The following USP24 variants were observed in gnomAD, a reference collection of about 807,000 sequenced individuals.
The protein encoded by USP24 is ubiquitin carboxyl-terminal hydrolase 24.
USP24 carries 97 observed loss-of-function variants against 361.6 expected under a neutral mutation model. The ratio of observed to expected loss-of-function variants is 0.27; its 90% CI spans 0.23 to 0.32. USP24 has a LOEUF of 0.32. Ranked by LOEUF, USP24 falls within the 10% of genes least tolerant of loss-of-function variation. USP24 has a pLI of 1.00. For synonymous variants in USP24, 1,098 were observed against 1,124.6 expected (o/e 0.98, Z 0.47); for missense variants, 2,353 against 3,165.6 (o/e 0.74, Z 6.16).
chr1:55,215,124 T>A lies in USP24; in HGVS notation c.-11A>T. On this transcript the variant is annotated 5_prime_UTR_variant, in exon 1 of 68. Coordinates refer to ENST00000294383, the MANE Select transcript of USP24 (RefSeq NM_015306.3). ...CTCCTCCGATTCCATGGCTTGGGCC[T>A]CCTGGCCGCCCCGGCCAGCGCACGG... 8.0e-7 allele frequency: 1 copy of A among 1,256,480 alleles called. No individual in the cohort carries two copies. The highest frequency in any genetic ancestry group is 1.0e-6 in the Non-Finnish European group (1 of 994,322). The allele number at this position is 1,256,480 out of a possible 1,614,324, so 77.8% of individuals were successfully genotyped here. A position where few individuals can be genotyped will look rare whatever the true frequency, so the allele number is the denominator to read the frequency against.
chr1:55,098,603 T>C (rs1280848933), intron 45 of USP24, 45 bp from the exon 46 acceptor site: 2 of 1,362,512 alleles, frequency 1.5e-6, no homozygotes, highest in African/African-American at 2.9e-5. Context: ...CCTCCTGAAC[T>C]TATGAGTATA....
chr1:55,154,910 A>G (rs1167984552), intron 12 of USP24, 132 bp from the exon 13 acceptor site: 2 of 626,092 alleles, frequency 3.2e-6, no homozygotes, highest in African/African-American at 3.7e-5. Context: ...ATCAGCATCC[A>G]CTTGCATAAT....
chr1:55,069,096 A>G lies in USP24; in HGVS notation c.7812T>C (p.Ser2604=). 1 of 1,614,028 alleles carries G rather than the reference A, an allele frequency of 6.2e-7. No homozygotes were observed. The highest frequency in any genetic ancestry group is 1.1e-5 in the South Asian group (1 of 91,084). The stretch of plus-strand genomic sequence containing the variant: ...TTCTCAACTCACCAATCATCATGGG[A>G]GATTCTGAACCCTGCAGAAAAGAAA... ...GDRHLQQGSE[S]PMMIGELRSD... The change falls in exon 68 of 68, where the codon TCT becomes TCC. Residue 2604 remains serine, a synonymous_variant. Coordinates refer to ENST00000294383, the MANE Select transcript of USP24 (RefSeq NM_015306.3).
At chr1:55,130,453 TAAAG>T (rs1363219449) in intron 31 of USP24, among the ~76,000 whole-genome samples, 1 of 152,208 alleles carries the variant, frequency 6.6e-6, no homozygotes, top group African/African-American at 2.4e-5. Flanking sequence ...GATTTAAAAA[TAAAG>T]ACTCTCATTG....
intron 1 of USP24, among the ~76,000 whole-genome samples, chr1:55,186,328 A>C (rs1644129944): frequency 6.6e-6 from 1 of 152,228 alleles, no homozygotes; most frequent in South Asian, 2.1e-4. Context: ...TGCTGATAAG[A>C]GTATAAAACT....
intron 55 of USP24, chr1:55,086,439 G>A: frequency 5.3e-6 from 1 of 188,862 alleles, no homozygotes; most frequent in Non-Finnish European, 1.1e-5. Flanking sequence ...CAAACAAATG[G>A]CACAGCATAC....
rs1178796609 is a variant in USP24, at chr1:55,146,230, C to T, written c.2251-121G>A. 2.4e-5 allele frequency: 14 copies of T among 579,060 alleles called. No homozygotes were observed. In the South Asian group the frequency reaches 3.1e-4, roughly 13 times the overall value. 35.9% of individuals were successfully genotyped at this position (579,060 alleles called of 1,614,324 possible). On this transcript the variant is annotated intron_variant, in intron 19 of 67. Coordinates refer to ENST00000294383, the MANE Select transcript of USP24 (RefSeq NM_015306.3). ...AAATGTTTATACTGTCAAAATACCA[C>T]TCAAAGCTAAAATGCTTGGAATTCT...
intron 67 of USP24, chr1:55,071,017 C>T (rs1397106216): frequency 1.0e-5 from 5 of 494,480 alleles, no homozygotes; most frequent in African/African-American, 8.4e-5. Flanking sequence ...TGTGGAGTGA[C>T]CTTGGGCTAA....
At chr1:55,078,012 C>A (rs936424610) in intron 61 of USP24, among the ~76,000 whole-genome samples, 9 of 152,140 alleles carry the variant, frequency 5.9e-5, no homozygotes, top group African/African-American at 2.2e-4. Flanking sequence ...AGGCTGAGGG[C>A]AAAACATATT....
In USP24 at chr1:55,139,000, G is replaced by C; in HGVS notation, c.2761C>G (p.Leu921Val). The change falls in exon 25 of 68, where the codon CTT becomes GTT. Residue 921 changes from leucine (L) to valine (V), a missense_variant. This residue lies in a region of USP24 where 949 missense variants were observed against 1,280.5 expected (regional missense o/e 0.74). Coordinates refer to ENST00000294383, the MANE Select transcript of USP24 (RefSeq NM_015306.3). ...SVQSPYRSTK[L>V]VIIERLLLLA... The stretch of plus-strand genomic sequence containing the variant: ...AGCAGCAATCTCTCAATTATTACAA[G>C]TTTAGTAGATCTATAGATTAAAAAA... 1 of 1,610,062 alleles carries C rather than the reference G, an allele frequency of 6.2e-7. No homozygotes were observed. The highest frequency in any genetic ancestry group is 8.5e-7 in the Non-Finnish European group (1 of 1,177,720).
Position 55,156,619 on chromosome 1 carries a change from AAATT to A in USP24, c.1446+325_1446+328del, listed in dbSNP as rs1368809690. On this transcript the variant is annotated intron_variant, in intron 12 of 67. Coordinates refer to ENST00000294383, the MANE Select transcript of USP24 (RefSeq NM_015306.3). ...TAAATGGGAAAAAAATTATTAATGA[AAATT>A]AATAATATAATGAAAAGAACACTAG... is the stretch of plus-strand genomic sequence containing the variant. 2.0e-5 allele frequency among the ~76,000 whole-genome samples: 3 copies of A among 152,270 alleles called. No homozygotes were observed. The East Asian group carries it at 5.8e-4, about 29-fold the overall frequency.
chr1:55,103,486 A>G (rs1156364162), intron 42 of USP24, among the ~76,000 whole-genome samples: 2 of 152,208 alleles, frequency 1.3e-5, no homozygotes, highest in East Asian at 3.9e-4. Context: ...AGCACATACT[A>G]AACTCAATAA....
In USP24 at chr1:55,124,567, G is replaced by A. The variant is rs752275725; in HGVS notation, c.4022C>T (p.Ala1341Val). ...AACAAGATCAAGCCGTCCTGCAGCCGCAGCCCATGACAATCTCATGAAGCA... is the reference window on the plus strand; with the variant it reads ...AACAAGATCAAGCCGTCCTGCAGCCACAGCCCATGACAATCTCATGAAGCA... ...VACFMRLSWA[A>V]AAGRLDLVGS... The change falls in exon 35 of 68, where the codon GCG (alanine) becomes GTG (valine). Residue 1341 changes from alanine to valine, a missense_variant. Ala to Val is a moderately conservative substitution (Grantham distance 64). This residue lies in a region of USP24 where 949 missense variants were observed against 1,280.5 expected (regional missense o/e 0.74). Coordinates refer to ENST00000294383, the MANE Select transcript of USP24 (RefSeq NM_015306.3). The A allele has an allele frequency of 3.2e-5, 52 of 1,613,694 alleles. No individual in the cohort carries two copies. In the East Asian group the frequency reaches 1.1e-3, roughly 33 times the overall value.
At chr1:55,198,634 TGGGATGACA>T (rs1644481901) in intron 1 of USP24, among the ~76,000 whole-genome samples, 2 of 152,170 alleles carry the variant, frequency 1.3e-5, no homozygotes, top group Admixed American at 1.3e-4. Flanking sequence ...GCCTCCGGGG[TGGGATGACA>T]AATCACCCCT....
Position 55,137,669 on chromosome 1 carries a change from T to C in USP24, c.3047A>G (p.Gln1016Arg). 6.2e-7 allele frequency: 1 copy of C among 1,612,600 alleles called. No individual in the cohort carries two copies. Residue 1016 changes from glutamine (Q) to arginine (R), a missense_variant, in exon 28 of 68, where the codon CAA becomes CGA. Physicochemically the swap from Gln to Arg is conservative, Grantham distance 43. Transcript: ENST00000294383. The part of the protein sequence containing the change: ...NDSLLTVNKD[Q>R]KLLHQLGFSD... ...AAAGCCCAGTTGGTGGAGTAGCTTT[T>C]GATCTTTATTCACTGTCAGCTGCAA...
At chr1:55,182,356 A>C (rs1482655504) in intron 1 of USP24, among the ~76,000 whole-genome samples, 1 of 152,074 alleles carries the variant, frequency 6.6e-6, no homozygotes, top group Non-Finnish European at 1.5e-5. Flanking sequence ...CCCGGCCTCT[A>C]ATGACTTCTT....
intron 50 of USP24, among the ~76,000 whole-genome samples, chr1:55,096,216 A>T (rs1645492362): frequency 6.6e-6 from 1 of 152,192 alleles, no homozygotes; most frequent in African/African-American, 2.4e-5. Flanking sequence ...TTCAGTATTC[A>T]TTACTTTCTC....
chr1:55,202,805 G>T (rs1181426640), intron 1 of USP24, among the ~76,000 whole-genome samples: 1 of 152,184 alleles, frequency 6.6e-6, no homozygotes, highest in Non-Finnish European at 1.5e-5. Flanking sequence ...TGCTAGTCGA[G>T]AGACCACAGC....
intron 3 of USP24, among the ~76,000 whole-genome samples, chr1:55,173,604 T>G (rs976247730): frequency 1.3e-5 from 2 of 152,150 alleles, no homozygotes; most frequent in Admixed American, 1.3e-4. Flanking sequence ...CAACAAAAAT[T>G]TCATCTTGGC....
Sources: allele counts gnomAD v4.1 joint callset (sites outside exome capture counted in the v4.1 genomes callset), GRCh38; gene constraint gnomAD v4.1.1; regional missense constraint gnomAD v4.1.1; transcripts MANE v1.5; gene names NCBI Gene and HGNC (gene_info 2026-07-23, HGNC 2026-07-21).